ABTB2: variants seen among roughly 807,000 people sequenced by gnomAD.
ABTB2 encodes ankyrin repeat and BTB/POZ domain-containing protein 2.
A neutral mutation model predicts 104.1 loss-of-function variants in ABTB2; 56 were observed. The observed-to-expected ratio is 0.54, with a 90% CI of 0.43 to 0.67. The LOEUF is 0.67. Ranked by LOEUF, ABTB2 falls within the 30% of genes least tolerant of loss-of-function variation. ABTB2 has a pLI of 0.00. For synonymous variants in ABTB2, 606 were observed against 608.2 expected, an observed-to-expected ratio of 1.00 and a Z score of 0.05; for missense variants, 1,279 against 1,407.7, an observed-to-expected ratio of 0.91 and a Z score of 1.46.
At chr11:34,267,989 G>A (rs1042989767) in intron 1 of ABTB2, among the ~76,000 whole-genome samples, 4 of 152,080 alleles carry the variant, frequency 2.6e-5, no homozygotes, top group African/African-American at 9.7e-5. Flanking sequence ...GGAGTGCAGT[G>A]GCTTGATCTC....
At chr11:34,233,142 A>G (rs2467369) in intron 1 of ABTB2, among the ~76,000 whole-genome samples, 3,155 of 152,224 alleles carry the variant, frequency 0.021, 85 homozygotes, top group African/African-American at 0.063. Context: ...TCCTGCTAAC[A>G]GTCCACCACG....
At chr11:34,319,358 A>T (rs1590254693) in intron 1 of ABTB2, among the ~76,000 whole-genome samples, 1 of 152,242 alleles carries the variant, frequency 6.6e-6, no homozygotes, top group Non-Finnish European at 1.5e-5. Context: ...TTTATCATAA[A>T]GGGGCAGGTC....
At chr11:34,164,050 G>T (rs1360976297) in intron 9 of ABTB2, among the ~76,000 whole-genome samples, 4 of 152,172 alleles carry the variant, frequency 2.6e-5, no homozygotes, top group Non-Finnish European at 5.9e-5. Flanking sequence ...CATGAGGCTG[G>T]TGGCAAGAAT....
chr11:34,232,543 C>T (rs947735399), intron 1 of ABTB2, among the ~76,000 whole-genome samples: 6 of 151,906 alleles, frequency 3.9e-5, no homozygotes, highest in African/African-American at 1.2e-4. Context: ...TAACCTAATC[C>T]CCAGCAAGGG....
chr11:34,249,097 C>T (rs983791727), intron 1 of ABTB2, among the ~76,000 whole-genome samples: 7 of 152,322 alleles, frequency 4.6e-5, no homozygotes, highest in African/African-American at 1.7e-4. Context: ...CCATTGCACT[C>T]TAGCCTGGGC....
intron 1 of ABTB2, among the ~76,000 whole-genome samples, chr11:34,215,500 T>C (rs1853540283): frequency 1.3e-5 from 2 of 152,254 alleles, no homozygotes; most frequent in African/African-American, 4.8e-5. Flanking sequence ...CTTATAAACA[T>C]AACCTGCTTC....
chr11:34,169,329 T>C (rs1397514458), intron 5 of ABTB2, among the ~76,000 whole-genome samples: 2 of 152,154 alleles, frequency 1.3e-5, no homozygotes, highest in African/African-American at 4.8e-5. Flanking sequence ...ATCATCATCA[T>C]ATCAACAGCA....
At chr11:34,272,302 C>CAAAAAAAAAAAAA (rs60997940) in intron 1 of ABTB2, among the ~76,000 whole-genome samples, 4 of 80,768 alleles carry the variant, frequency 5.0e-5, no homozygotes, top group African/African-American at 1.5e-4. Context: ...CAGGAAGCTG[C>CAAAAAAAAAAAAA]AAAAAAAAAA....
Position 34,152,348 on chromosome 11 carries a change from C to T in ABTB2, c.*39G>A, listed in dbSNP as rs1362682783. ...ACCCCGACATGGTGGGCCCTGGCAC[C>T]TCCACAGGCCCTGGCCTCGGCAGCC... On this transcript the variant is annotated 3_prime_UTR_variant, in exon 17 of 17. Transcript: ENST00000435224. 5 of 1,533,654 alleles carry T rather than the reference C, an allele frequency of 3.3e-6. No individual in the cohort carries two copies. Among genetic ancestry groups the T allele is most frequent in the South Asian group, 1.2e-5 (1 of 83,122 alleles).
chr11:34,335,548 A>G, intron 1 of ABTB2: 2 of 1,311,096 alleles, frequency 1.5e-6, no homozygotes, highest in Admixed American at 3.5e-5. Context: ...AATTCTGGAC[A>G]CGTTTGTATT....
At chr11:34,173,004 C>G in intron 4 of ABTB2, 151 bp downstream of exon 4, 1 of 957,758 alleles carries the variant, frequency 1.0e-6, no homozygotes, top group Non-Finnish European at 1.5e-6. Context: ...TCAGGCTTGG[C>G]CTTTGCAGAG....
At chr11:34,270,041 C>T (rs114043625) in intron 1 of ABTB2, among the ~76,000 whole-genome samples, 108 of 152,320 alleles carry the variant, frequency 7.1e-4, no homozygotes, top group African/African-American at 2.5e-3. Flanking sequence ...TCTGGTGACC[C>T]ATCAGCCAGA....
At chr11:34,187,090 C>T (rs999986442) in intron 3 of ABTB2, among the ~76,000 whole-genome samples, 3 of 152,170 alleles carry the variant, frequency 2.0e-5, no homozygotes, top group South Asian at 2.1e-4. Flanking sequence ...TCAGTCTGCT[C>T]GCTATAAATG....
chr11:34,273,663 T>C (rs537343529), intron 1 of ABTB2, among the ~76,000 whole-genome samples: 1 of 142,310 alleles, frequency 7.0e-6, no homozygotes, highest in African/African-American at 2.9e-5. Flanking sequence ...CAGAGAGAAG[T>C]GACGGTGGCT....
chr11:34,154,167 G>T lies in ABTB2; in HGVS notation c.2880+98C>A. 1 of 918,108 alleles carries T rather than the reference G, an allele frequency of 1.1e-6. No individual in the cohort carries two copies. Among genetic ancestry groups the T allele is most frequent in the Non-Finnish European group, 1.7e-6 (1 of 577,630 alleles). The allele number at this position is 918,108 out of a possible 1,614,324, so 56.9% of individuals were successfully genotyped here. A position where few individuals can be genotyped will look rare whatever the true frequency, so the allele number is the denominator to read the frequency against. On this transcript the variant is annotated intron_variant, in intron 16 of 16. Transcript: ENST00000435224. This position sits in a 1 kb window ranked among gnomAD's most constrained non-coding sequence, Gnocchi z 4.9. ...GCCCTCAGAAGCAGCCTGGTCACCT[G>T]CATCTCCTAGCTCATCCCCAGTGCA...
chr11:34,259,523 CCTT>C lies in ABTB2; in HGVS notation c.884-54836_884-54834del, dbSNP rs372049008. On this transcript the variant is annotated intron_variant, in intron 1 of 16. Coordinates refer to ENST00000435224, the MANE Select transcript of ABTB2 (RefSeq NM_145804.3). ...AAATTCTCCCCTACTCAGCTCCCCT[CCTT>C]CTCAGAAATAGTCAGGTATTCTCCT... Among the ~76,000 whole-genome samples the C allele has an allele frequency of 1.1e-3, 168 of 152,304 alleles. 1 individual carries two copies. The highest frequency in any genetic ancestry group is 3.9e-3 in the African/African-American group (161 of 41,570).
rs1027567111 is a variant in ABTB2, at chr11:34,152,096, G to A, written c.*291C>T. The A allele has an allele frequency of 1.6e-5, 7 of 424,416 alleles. No homozygotes were observed. The highest frequency in any genetic ancestry group is 4.8e-5 in the East Asian group (1 of 20,628). 26.3% of individuals were successfully genotyped at this position (424,416 alleles called of 1,614,324 possible). On this transcript the variant is annotated 3_prime_UTR_variant, in exon 17 of 17. Coordinates refer to ENST00000435224, the MANE Select transcript of ABTB2 (RefSeq NM_145804.3). The stretch of plus-strand genomic sequence containing the variant: ...ATCAGGATCAGCTGCTGACCTGCAG[G>A]AGGGGAGAGCGACACCCCGGGGGAG...
chr11:34,198,250 C>A (rs1477562659), intron 2 of ABTB2, among the ~76,000 whole-genome samples: 2 of 152,066 alleles, frequency 1.3e-5, no homozygotes, highest in Non-Finnish European at 2.9e-5. Context: ...CATGGTGAAA[C>A]CCTGTCTCTA....
chr11:34,322,708 G>A (rs756585575), intron 1 of ABTB2, among the ~76,000 whole-genome samples: 4 of 152,080 alleles, frequency 2.6e-5, no homozygotes, highest in Non-Finnish European at 5.9e-5. Context: ...TTTTCTCTCT[G>A]TCACCCAGGC....
Sources: gnomAD v4.1 joint callset for allele counts (sites outside exome capture counted in the v4.1 genomes callset) on GRCh38, gnomAD v4.1.1 for gene constraint, Gnocchi (gnomAD v3.1) non-coding constraint, MANE v1.5 for transcripts, NCBI Gene and HGNC (gene_info 2026-07-23, HGNC 2026-07-21) for gene names.